The following CDK13 variants were observed in gnomAD, a reference collection of about 807,000 sequenced individuals.
The protein encoded by CDK13 is cyclin dependent kinase 13.
A neutral mutation model predicts 137.6 loss-of-function variants in CDK13; 40 were observed. The observed-to-expected ratio is 0.29, with a 90% CI of 0.23 to 0.38. CDK13 has a LOEUF of 0.38. CDK13 is among the 10% of genes least tolerant of loss of function. The pLI is 1.00. For synonymous variants in CDK13, 869 were observed against 760.1 expected (o/e 1.14, Z -2.36); for missense variants, 1,704 against 1,951.8 (o/e 0.87, Z 2.39).
rs1344094796 is a variant in CDK13 at position 40,095,721 on chromosome 7, C to G, written c.*741C>G. 6.6e-6 allele frequency: 1 copy of G among 151,966 alleles called. No homozygotes were observed. Among genetic ancestry groups the G allele is most frequent in the African/African-American group, 2.4e-5 (1 of 41,348 alleles). 9.4% of individuals were successfully genotyped at this position (151,966 alleles called of 1,614,324 possible). A position where few individuals can be genotyped will look rare whatever the true frequency, so the allele number is the denominator to read the frequency against. On this transcript the variant is annotated 3_prime_UTR_variant, in exon 14 of 14. Transcript: ENST00000181839. Reference sequence around the variant, plus strand: ...TCTGAAAAAAATAGTTAACTTTTACCCCCATTTGTCTTTTAAAGGGAATCA... The same window carrying G: ...TCTGAAAAAAATAGTTAACTTTTACGCCCATTTGTCTTTTAAAGGGAATCA...
intron 7 of CDK13, among the ~76,000 whole-genome samples, chr7:40,053,806 T>TAC (rs1785949277): frequency 6.6e-6 from 1 of 151,878 alleles, no homozygotes; most frequent in Non-Finnish European, 1.5e-5. Context: ...CAAACTTAAC[T>TAC]AACGTTTGTG....
intron 7 of CDK13, chr7:40,048,129 CTGAAG>C (rs1254786946): frequency 1.6e-5 from 5 of 317,810 alleles, no homozygotes; most frequent in Non-Finnish European, 2.3e-5. Flanking sequence ...TTAAGTGTAA[CTGAAG>C]TGAACTTAAA....
At chr7:40,025,252 T>C (rs774491572) in intron 5 of CDK13, among the ~76,000 whole-genome samples, 4 of 152,320 alleles carry the variant, frequency 2.6e-5, no homozygotes, top group Admixed American at 6.5e-5. Context: ...GTTACTTTAC[T>C]TACATATTTA....
intron 5 of CDK13, among the ~76,000 whole-genome samples, chr7:40,036,217 A>G (rs1185257454): frequency 6.6e-6 from 1 of 151,870 alleles, no homozygotes; most frequent in East Asian, 1.9e-4. Flanking sequence ...CTTGATAAAA[A>G]GTGAAAACCA....
chr7:39,950,792 C>T lies in CDK13; in HGVS notation c.151C>T (p.Pro51Ser). The T allele has an allele frequency of 6.8e-7, 1 of 1,464,692 alleles. No individual in the cohort carries two copies. The highest frequency in any genetic ancestry group is 9.0e-7 in the Non-Finnish European group (1 of 1,115,490). 90.7% of individuals were successfully genotyped at this position (1,464,692 alleles called of 1,614,324 possible). The change falls in exon 1 of 14, where the codon CCG becomes TCG. Residue 51 changes from proline to serine, a missense_variant. Coordinates refer to ENST00000181839, the MANE Select transcript of CDK13 (RefSeq NM_003718.5). The part of the protein sequence containing the change: ...LPLLQPQLLQ[P>S]PPPPPPLLFL... The stretch of plus-strand genomic sequence containing the variant: ...GCTCCTGCAGCCGCAGCTCCTGCAA[C>T]CGCCGCCGCCCCCGCCGCCTCTGCT...
intron 5 of CDK13, among the ~76,000 whole-genome samples, chr7:40,024,677 T>C (rs1026363550): frequency 3.7e-5 from 3 of 81,156 alleles, no homozygotes; most frequent in Non-Finnish European, 7.6e-5. Context: ...TTTTTTTTTT[T>C]TCCTGAGACA....
At chr7:39,967,893 TA>T (rs17496191) in intron 1 of CDK13, among the ~76,000 whole-genome samples, 529 of 149,204 alleles carry the variant, frequency 3.5e-3, no homozygotes, top group African/African-American at 4.7e-3. Context: ...ATGTCCTTTT[TA>T]AAAAAAAAAA....
chr7:40,047,468 G>A (rs1785773099), intron 6 of CDK13, among the ~76,000 whole-genome samples: 1 of 151,994 alleles, frequency 6.6e-6, no homozygotes, highest in Non-Finnish European at 1.5e-5. Flanking sequence ...CAAGAAATTT[G>A]TCTTACTGCT....
In CDK13 at chr7:40,063,119, T is replaced by C. The variant is rs755363197; in HGVS notation, c.2780+19T>C. On this transcript the variant is annotated intron_variant, in intron 9 of 13. Coordinates refer to ENST00000181839, the MANE Select transcript of CDK13 (RefSeq NM_003718.5). ...TAATAAGGTAAGCTGCTGATTATAATATTGGTGGGAATTGGGAGAGTGTCA... is the reference window on the plus strand; with the variant it reads ...TAATAAGGTAAGCTGCTGATTATAACATTGGTGGGAATTGGGAGAGTGTCA... The C allele has an allele frequency of 6.4e-7, 1 of 1,567,182 alleles. No homozygotes were observed. Among genetic ancestry groups the C allele is most frequent in the Non-Finnish European group, 8.8e-7 (1 of 1,137,356 alleles).
At chr7:40,021,278 C>G (rs995401752) in intron 5 of CDK13, among the ~76,000 whole-genome samples, 1 of 152,098 alleles carries the variant, frequency 6.6e-6, no homozygotes, top group African/African-American at 2.4e-5. Flanking sequence ...GGGTGGATCA[C>G]TTGAGGTCAG....
chr7:40,038,480 A>T (rs559191691), intron 5 of CDK13, among the ~76,000 whole-genome samples: 2 of 152,326 alleles, frequency 1.3e-5, no homozygotes, highest in East Asian at 3.9e-4. Context: ...TTTTTGGTAC[A>T]AGTTCCTAGA....
Position 40,078,139 on chromosome 7 carries a change from A to G in CDK13, c.2897+18A>G. 1 of 1,174,530 alleles carries G rather than the reference A, an allele frequency of 8.5e-7. No individual in the cohort carries two copies. Among genetic ancestry groups the G allele is most frequent in the Non-Finnish European group, 1.2e-6 (1 of 804,560 alleles). 72.8% of individuals were successfully genotyped at this position (1,174,530 alleles called of 1,614,324 possible). The stretch of plus-strand genomic sequence containing the variant: ...TTTGTTTTGTAAGAAGGGGATGTGT[A>G]AACATCCTTATTGCATGAATGTTTT... On this transcript the variant is annotated intron_variant, in intron 10 of 13. Coordinates refer to ENST00000181839, the MANE Select transcript of CDK13 (RefSeq NM_003718.5).
At chr7:40,002,577 G>T (rs1583973771) in intron 5 of CDK13, among the ~76,000 whole-genome samples, 1 of 152,058 alleles carries the variant, frequency 6.6e-6, no homozygotes, top group East Asian at 1.9e-4. Flanking sequence ...TGAAAGCAGT[G>T]CTCTACTGTT....
chr7:40,059,019 AT>A (rs1246504383), intron 7 of CDK13, among the ~76,000 whole-genome samples: 1 of 152,140 alleles, frequency 6.6e-6, no homozygotes, highest in Non-Finnish European at 1.5e-5. Context: ...AAAATGAAAC[AT>A]TTTAGAGCTG....
rs2116310301 is a variant in CDK13 at position 39,997,585 on chromosome 7, C to A, written c.1963C>A (p.Leu655Ile). ...TGCTGATTTACCGCTGCCCCCTGAG[C>A]TACCAGGAGGAGATGATCTTTCAAA... is the stretch of plus-strand genomic sequence containing the variant. ...LLADLPLPPE[L>I]PGGDDLSKSP... The change falls in exon 3 of 14, where the codon CTA becomes ATA. Residue 655 changes from leucine to isoleucine, a missense_variant. Physicochemically the swap from Leu to Ile is conservative, Grantham distance 5. Coordinates refer to ENST00000181839, the MANE Select transcript of CDK13 (RefSeq NM_003718.5). 1 of 1,610,220 alleles carries A rather than the reference C, an allele frequency of 6.2e-7. No individual in the cohort carries two copies. The highest frequency in any genetic ancestry group is 1.3e-5 in the African/African-American group (1 of 74,804).
At chr7:40,017,849 G>A (rs950861233) in intron 5 of CDK13, among the ~76,000 whole-genome samples, 5 of 151,166 alleles carry the variant, frequency 3.3e-5, no homozygotes, top group Non-Finnish European at 7.4e-5. Context: ...GTTTGAAAAA[G>A]TATTCAGGTA....
intron 1 of CDK13, among the ~76,000 whole-genome samples, chr7:39,983,634 C>T (rs1784275847): frequency 6.6e-6 from 1 of 152,062 alleles, no homozygotes; most frequent in Non-Finnish European, 1.5e-5. Flanking sequence ...AGAATCTTGC[C>T]AGTGTAGGAA....
At chr7:39,999,292 ATTGAGTT>A in intron 3 of CDK13, 62 bp from the exon 4 acceptor site, 1 of 1,302,794 alleles carries the variant, frequency 7.7e-7, no homozygotes, top group Non-Finnish European at 1.1e-6. Flanking sequence ...GCGAGTAGAT[ATTGAGTT>A]ATTAGACAGT....
At chr7:39,977,533 C>T (rs1308369147) in intron 1 of CDK13, among the ~76,000 whole-genome samples, 1 of 152,140 alleles carries the variant, frequency 6.6e-6, no homozygotes, top group Non-Finnish European at 1.5e-5. Flanking sequence ...TAAGAGAGGG[C>T]TTTATAAAGG....
Sources: gnomAD v4.1 joint callset for allele counts (sites outside exome capture counted in the v4.1 genomes callset) on GRCh38, gnomAD v4.1.1 for gene constraint, MANE v1.5 for transcripts, NCBI Gene and HGNC (gene_info 2026-07-23, HGNC 2026-07-21) for gene names.